Variants in LRBA observed in about 807,000 individuals in gnomAD.
The protein encoded by LRBA is lipopolysaccharide-responsive and beige-like anchor protein.
LRBA carries 176 observed loss-of-function variants against 330.0 expected under a neutral mutation model. The observed-to-expected ratio is 0.53, with a 90% CI of 0.47 to 0.60. LRBA has a LOEUF of 0.60. Ranked by LOEUF, LRBA falls within the 20% of genes least tolerant of loss-of-function variation. The pLI is 0.00. For synonymous variants in LRBA, 1,230 were observed against 1,193.0 expected, an observed-to-expected ratio of 1.03 and a Z score of -0.64; for missense variants, 3,259 against 3,444.8, an observed-to-expected ratio of 0.95 and a Z score of 1.35.
intron 37 of LRBA, among the ~76,000 whole-genome samples, chr4:150,637,304 A>G (rs1778020605): frequency 6.6e-6 from 1 of 152,154 alleles, no homozygotes; most frequent in Admixed American, 6.5e-5. Flanking sequence ...CAGCTATCCT[A>G]TACTAATAGC....
At chr4:150,539,615 T>C (rs1765099031) in intron 40 of LRBA, among the ~76,000 whole-genome samples, 1 of 152,222 alleles carries the variant, frequency 6.6e-6, no homozygotes, top group East Asian at 1.9e-4. Context: ...TCTTAAACAA[T>C]ATATCTGCTC....
intron 17 of LRBA, among the ~76,000 whole-genome samples, chr4:150,881,746 A>C (rs1728418815): frequency 6.6e-6 from 1 of 152,250 alleles, no homozygotes; most frequent in Non-Finnish European, 1.5e-5. Context: ...TTAACGTATC[A>C]AAAAACTATC....
chr4:150,622,625 G>A (rs1402746007), intron 37 of LRBA, among the ~76,000 whole-genome samples: 1 of 151,654 alleles, frequency 6.6e-6, no homozygotes. Flanking sequence ...GAAAATGCGG[G>A]AGCTTCAGCC....
rs1362728267 is a variant in LRBA at position 150,660,029 on chromosome 4, A to G, written c.5921+23522T>C. 1.0e-3 allele frequency among the ~76,000 whole-genome samples: 5 copies of G among 4,768 alleles called. 1 individual carries two copies. Among genetic ancestry groups the G allele is most frequent in the African/African-American group, 8.5e-4 (3 of 3,528 alleles). The allele number at this position is 4,768 out of a possible 152,430, so 3.1% of individuals were successfully genotyped here. On this transcript the variant is annotated intron_variant, in intron 37 of 56. Coordinates refer to ENST00000651943, the MANE Select transcript of LRBA (RefSeq NM_001364905.1). ...CCTCTGCCCGGCCGCCCCTACTGGG[A>G]AGTGAGGAGCCCCTCTGCCAGGCCA...
chr4:150,662,491 A>G (rs370814393), intron 37 of LRBA, among the ~76,000 whole-genome samples: 1 of 152,230 alleles, frequency 6.6e-6, no homozygotes. Flanking sequence ...GGTGCAATCC[A>G]GGCAACGGAA....
intron 34 of LRBA, among the ~76,000 whole-genome samples, chr4:150,767,264 T>C (rs1341255294): frequency 1.3e-5 from 2 of 152,206 alleles, no homozygotes; most frequent in Non-Finnish European, 2.9e-5. Flanking sequence ...TCCTAGAACG[T>C]ATTTTAGTGA....
chr4:150,642,314 T>C (rs1230023654), intron 37 of LRBA, among the ~76,000 whole-genome samples: 2 of 151,946 alleles, frequency 1.3e-5, no homozygotes, highest in Non-Finnish European at 2.9e-5. Context: ...GAGAATGGTA[T>C]AACATACTAG....
At chr4:150,928,412 T>C in intron 4 of LRBA, 104 bp downstream of exon 4, 2 of 691,696 alleles carry the variant, frequency 2.9e-6, no homozygotes, top group Middle Eastern at 2.6e-4. Context: ...TCTATTCAAT[T>C]TGACAATTAT....
chr4:150,788,239 ATTTTTTTTTTT>A (rs377479266), intron 34 of LRBA, among the ~76,000 whole-genome samples: 5 of 123,226 alleles, frequency 4.1e-5, no homozygotes, highest in South Asian at 2.5e-4. Context: ...CACCCGGTTA[ATTTTTTTTTTT>A]TTTTTTTTTT....
At chr4:150,627,117 T>A (rs1422110058) in intron 37 of LRBA, among the ~76,000 whole-genome samples, 1 of 152,016 alleles carries the variant, frequency 6.6e-6, no homozygotes, top group African/African-American at 2.4e-5. Flanking sequence ...GAAAAAAAAC[T>A]AAAGCACATT....
chr4:150,369,217 C>T (rs1405083948), intron 47 of LRBA, among the ~76,000 whole-genome samples: 1 of 152,120 alleles, frequency 6.6e-6, no homozygotes, highest in Non-Finnish European at 1.5e-5. Context: ...TTAATATAAT[C>T]TTGATGTCTT....
intron 47 of LRBA, among the ~76,000 whole-genome samples, chr4:150,414,841 T>C (rs900978038): frequency 1.3e-5 from 2 of 152,126 alleles, no homozygotes; most frequent in Non-Finnish European, 2.9e-5. Context: ...TCCAAACTTC[T>C]GTGAAACTTA....
intron 47 of LRBA, among the ~76,000 whole-genome samples, chr4:150,413,750 G>A (rs2134958): frequency 0.87 from 132,599 of 152,132 alleles, 58,664 homozygotes; most frequent in Non-Finnish European, 0.96. Context: ...CATACTTTAA[G>A]AAGTTGAATT....
intron 28 of LRBA, among the ~76,000 whole-genome samples, chr4:150,840,223 T>C (rs1748857177): frequency 6.6e-6 from 1 of 152,242 alleles, no homozygotes; most frequent in Admixed American, 6.5e-5. Context: ...TTATCAGTCA[T>C]TTGCTCACTG....
chr4:150,417,202 A>T (rs936490263), intron 46 of LRBA, among the ~76,000 whole-genome samples: 1 of 152,114 alleles, frequency 6.6e-6, no homozygotes, highest in East Asian at 1.9e-4. Flanking sequence ...CTGAATACAT[A>T]TATCTTTCAT....
chr4:150,999,394 T>G (rs1202542249), intron 2 of LRBA, among the ~76,000 whole-genome samples: 2 of 151,972 alleles, frequency 1.3e-5, no homozygotes, highest in African/African-American at 4.8e-5. Flanking sequence ...CACAGGAAAT[T>G]ACAAATAATT....
At chr4:150,932,630 T>C (rs1734635656) in intron 2 of LRBA, among the ~76,000 whole-genome samples, 1 of 152,100 alleles carries the variant, frequency 6.6e-6, no homozygotes, top group South Asian at 2.1e-4. Context: ...TAAGAGCAAT[T>C]TGGGGCTGGG....
At chr4:150,735,509 A>G (rs1731069601) in intron 35 of LRBA, 143 bp from the exon 36 acceptor site, 1 of 639,814 alleles carries the variant, frequency 1.6e-6, no homozygotes, top group African/African-American at 1.8e-5. Context: ...TTTCATGCTA[A>G]ATAATTGAGG....
At chr4:150,926,149 C>A (rs1733857416) in intron 4 of LRBA, among the ~76,000 whole-genome samples, 1 of 152,172 alleles carries the variant, frequency 6.6e-6, no homozygotes, top group South Asian at 2.1e-4. Context: ...CAGAAATCTG[C>A]ATTGACTCTT....
Sources: allele counts gnomAD v4.1 joint callset (sites outside exome capture counted in the v4.1 genomes callset), GRCh38; gene constraint gnomAD v4.1.1; transcripts MANE v1.5; gene names NCBI Gene and HGNC (gene_info 2026-07-23, HGNC 2026-07-21).